CHD9: variants seen among roughly 807,000 people sequenced by gnomAD.
CHD9 encodes ATP-dependent chromatin remodeler CHD9.
In CHD9, 77 loss-of-function variants were observed where a neutral mutation model predicts 316.1. That is an observed-to-expected ratio of 0.24 (90% CI 0.20 to 0.29). The LOEUF is 0.29. CHD9 is among the 10% of genes least tolerant of loss of function. CHD9 has a pLI of 1.00. For missense variants in CHD9, 2,763 were observed against 3,438.1 expected, an observed-to-expected ratio of 0.80 and a Z score of 4.91; for synonymous variants, 1,129 against 1,158.3, an observed-to-expected ratio of 0.97 and a Z score of 0.51.
chr16:53,314,811 G>GT lies in CHD9; in HGVS notation c.7363-5dup, dbSNP rs748254984. Reference sequence around the variant, plus strand: ...TATGAAAATAAAGATACCATTTGGTGTTTTTTTACAGGTTTCTTTAGGCTT... The same window carrying GT: ...TATGAAAATAAAGATACCATTTGGTGTTTTTTTTACAGGTTTCTTTAGGCTT... On this transcript the variant is annotated splice_polypyrimidine_tract_variant and intron_variant, in intron 35 of 38. Coordinates refer to ENST00000447540, the MANE Select transcript of CHD9 (RefSeq NM_001308319.2). The GT allele has an allele frequency of 2.6e-6, 4 of 1,562,466 alleles. No homozygotes were observed. Among genetic ancestry groups the GT allele is most frequent in the East Asian group, 2.2e-5 (1 of 44,556 alleles).
At chr16:53,183,180 G>C (rs963970075) in intron 2 of CHD9, among the ~76,000 whole-genome samples, 4 of 152,288 alleles carry the variant, frequency 2.6e-5, no homozygotes, top group South Asian at 4.1e-4. Flanking sequence ...GTAGAAGGTA[G>C]TATATAAACA....
intron 2 of CHD9, among the ~76,000 whole-genome samples, chr16:53,165,686 A>G (rs2042225204): frequency 6.6e-6 from 1 of 152,134 alleles, no homozygotes; most frequent in South Asian, 2.1e-4. Flanking sequence ...TTATTATAAA[A>G]GAGAGGAAAA....
At chr16:53,233,298 G>T (rs1435246601) in intron 10 of CHD9, among the ~76,000 whole-genome samples, 4 of 152,184 alleles carry the variant, frequency 2.6e-5, no homozygotes, top group Admixed American at 2.6e-4. Flanking sequence ...AGTTTTACCG[G>T]TTTATTCCTA....
chr16:53,314,300 T>C (rs1377972961), intron 34 of CHD9, 77 bp from the exon 35 acceptor site: 3 of 1,034,620 alleles, frequency 2.9e-6, no homozygotes, highest in Middle Eastern at 2.5e-4. Flanking sequence ...CACTTTCATA[T>C]ATTTAGGAAA....
intron 1 of CHD9, among the ~76,000 whole-genome samples, chr16:53,075,320 C>T (rs895077225): frequency 6.6e-5 from 10 of 152,010 alleles, no homozygotes; most frequent in Non-Finnish European, 8.8e-5. Flanking sequence ...GAAGAGACTT[C>T]GGAATGTGGA....
chr16:53,109,677 C>T (rs376723410), intron 1 of CHD9, among the ~76,000 whole-genome samples: 327 of 71,466 alleles, frequency 4.6e-3, no homozygotes, highest in Non-Finnish European at 5.4e-3. Context: ...TTCCCAGTTT[C>T]TTTTTTTTTT....
intron 30 of CHD9, among the ~76,000 whole-genome samples, chr16:53,303,021 G>T (rs935293267): frequency 6.6e-6 from 1 of 152,150 alleles, no homozygotes; most frequent in African/African-American, 2.4e-5. Context: ...TGTTGCCCCT[G>T]TGAGTTCACT....
intron 1 of CHD9, among the ~76,000 whole-genome samples, chr16:53,057,678 GA>G (rs1334821622): frequency 2.0e-5 from 3 of 151,708 alleles, no homozygotes; most frequent in Non-Finnish European, 4.4e-5. Flanking sequence ...AAAGAAAAAA[GA>G]AAAATAATGT....
rs1204812985 is a variant in CHD9, at chr16:53,292,939, A to G, written c.5397A>G (p.Arg1799=). 1.9e-6 allele frequency: 3 copies of G among 1,613,786 alleles called. No homozygotes were observed. The highest frequency in any genetic ancestry group is 3.3e-5 in the Admixed American group (2 of 59,992). ...ITAYQRTNKN[R]QIQQIQPTFS... ...CATACCAGCGTACTAATAAAAACAG[A>G]CAAATTCAGCAGATACAACCGACTT... The change falls in exon 29 of 39, where the codon AGA becomes AGG. Residue 1799 remains arginine (R), a synonymous_variant. Coordinates refer to ENST00000447540, the MANE Select transcript of CHD9 (RefSeq NM_001308319.2).
intron 32 of CHD9, 21 bp from the exon 33 acceptor site, chr16:53,307,660 T>G: frequency 6.4e-7 from 1 of 1,571,696 alleles, no homozygotes; most frequent in Non-Finnish European, 8.6e-7. Context: ...AATTACACTT[T>G]GATGTTGCAC....
rs149237010 is a variant in CHD9 at position 53,265,335 on chromosome 16, C to T, written c.4321-1959C>T. ...TGAGGATGGCTTGACCCCAAGAGTTCGAGGTTGCAGTGAGCTGTGATTGTG... is the reference window on the plus strand; with the variant it reads ...TGAGGATGGCTTGACCCCAAGAGTTTGAGGTTGCAGTGAGCTGTGATTGTG... On this transcript the variant is annotated intron_variant, in intron 20 of 38. Coordinates refer to ENST00000447540, the MANE Select transcript of CHD9 (RefSeq NM_001308319.2). Among the ~76,000 whole-genome samples the T allele has an allele frequency of 4.6e-3, 702 of 152,088 alleles. 4 individuals are homozygous for T. Among genetic ancestry groups the T allele is most frequent in the African/African-American group, 0.015 (621 of 41,480 alleles).
At chr16:53,233,692 C>G (rs1048266758) in intron 10 of CHD9, among the ~76,000 whole-genome samples, 4 of 152,200 alleles carry the variant, frequency 2.6e-5, no homozygotes, top group Non-Finnish European at 2.9e-5. Flanking sequence ...ACCAGCCCCA[C>G]CTGAATCTAT....
At chr16:53,284,793 C>T (rs2053718209) in intron 24 of CHD9, among the ~76,000 whole-genome samples, 1 of 152,118 alleles carries the variant, frequency 6.6e-6, no homozygotes, top group South Asian at 2.1e-4. Flanking sequence ...GAGACAGGGT[C>T]TCATTCCCGC....
chr16:53,143,427 G>A (rs1481855145), intron 1 of CHD9, among the ~76,000 whole-genome samples: 1 of 144,618 alleles, frequency 6.9e-6, no homozygotes, highest in Non-Finnish European at 1.5e-5. Context: ...TCGCTCTGTC[G>A]CCCAGGCTGG....
intron 1 of CHD9, among the ~76,000 whole-genome samples, chr16:53,075,605 T>C (rs1053096123): frequency 2.0e-4 from 31 of 152,132 alleles, no homozygotes; most frequent in Admixed American, 2.0e-3. Flanking sequence ...CTGATGGTTT[T>C]ATTCCGGGGG....
chr16:53,208,370 G>GGGA, intron 2 of CHD9: 1 of 1,278,364 alleles, frequency 7.8e-7, no homozygotes, highest in South Asian at 1.3e-5. Flanking sequence ...CTGAATGAGT[G>GGGA]GGAGGAGGAG....
chr16:53,109,763 C>T (rs2037705024), intron 1 of CHD9, among the ~76,000 whole-genome samples: 1 of 140,436 alleles, frequency 7.1e-6, no homozygotes, highest in Non-Finnish European at 1.5e-5. Context: ...CGGCTCACTG[C>T]AAGCTCCGCC....
chr16:53,147,928 G>A (rs1291786676), intron 1 of CHD9, among the ~76,000 whole-genome samples: 1 of 152,098 alleles, frequency 6.6e-6, no homozygotes, highest in African/African-American at 2.4e-5. Context: ...TTTAGGCCAG[G>A]CGCGGTGGCC....
chr16:53,115,888 G>T (rs1258390135), intron 1 of CHD9, among the ~76,000 whole-genome samples: 1 of 152,174 alleles, frequency 6.6e-6, no homozygotes, highest in Non-Finnish European at 1.5e-5. Context: ...TGCAAGACTT[G>T]AAGAGGAAGA....
Sources: allele counts gnomAD v4.1 joint callset (sites outside exome capture counted in the v4.1 genomes callset), GRCh38; gene constraint gnomAD v4.1.1; transcripts MANE v1.5; gene names NCBI Gene and HGNC (gene_info 2026-07-23, HGNC 2026-07-21).